MEI1: variants seen among roughly 807,000 people sequenced by gnomAD.
MEI1 encodes the protein meiotic double-stranded break formation protein 1.
Under a neutral mutation model 146.2 loss-of-function variants are expected in MEI1, and 103 were observed. That is an observed-to-expected ratio of 0.70 (90% CI 0.60 to 0.83). The LOEUF is 0.83. MEI1 is among the 40% of genes least tolerant of loss of function. The pLI, the probability that MEI1 is intolerant of heterozygous loss-of-function variation, is 0.00. For missense variants in MEI1, 1,529 were observed against 1,533.0 expected, an observed-to-expected ratio of 1.00 and a Z score of 0.04; for synonymous variants, 652 against 628.2, an observed-to-expected ratio of 1.04 and a Z score of -0.57.
chr22:41,794,042 A>C, intron 27 of MEI1, 132 bp downstream of exon 27: 1 of 885,508 alleles, frequency 1.1e-6, no homozygotes, highest in Admixed American at 2.2e-5. Context: ...TTTTAGCAGC[A>C]CTGCAAGGGC....
intron 7 of MEI1, among the ~76,000 whole-genome samples, chr22:41,725,958 A>C (rs2071309569): frequency 6.6e-6 from 1 of 152,168 alleles, no homozygotes; most frequent in South Asian, 2.1e-4. Flanking sequence ...TTCTGCAGCA[A>C]GGAAGAGGAG....
chr22:41,775,192 A>G (rs576214433), intron 20 of MEI1, among the ~76,000 whole-genome samples: 2 of 152,320 alleles, frequency 1.3e-5, no homozygotes, highest in South Asian at 4.1e-4. Flanking sequence ...AAGCAAAATA[A>G]AAAGCATCTT....
chr22:41,792,107 A>G (rs148161765), intron 26 of MEI1, among the ~76,000 whole-genome samples: 189 of 152,350 alleles, frequency 1.2e-3, no homozygotes, highest in African/African-American at 4.3e-3. Flanking sequence ...ACTGAATTAT[A>G]TCCTTTAAAG....
Position 41,745,969 on chromosome 22 carries a change from G to A in MEI1, c.1623G>A (p.Glu541=). The A allele has an allele frequency of 6.2e-7, 1 of 1,613,320 alleles. No individual in the cohort carries two copies. Among genetic ancestry groups the A allele is most frequent in the Admixed American group, 1.7e-5 (1 of 59,918 alleles). Residue 541 remains glutamate, a synonymous_variant, in exon 14 of 31, where the codon GAG becomes GAA. Transcript: ENST00000401548. ...GCGCCAAGAAGGAAGACACCTTGGAGGCCTTCTCAGAATTTCTTCTCAGTG... is the reference window on the plus strand; with the variant it reads ...GCGCCAAGAAGGAAGACACCTTGGAAGCCTTCTCAGAATTTCTTCTCAGTG... ...APSAKKEDTL[E]AFSEFLLSAC...
At chr22:41,701,677 G>A (rs1462965528) in intron 1 of MEI1, among the ~76,000 whole-genome samples, 1 of 152,096 alleles carries the variant, frequency 6.6e-6, no homozygotes. Flanking sequence ...CAGTGCAGCG[G>A]GGAGAAATAA....
intron 24 of MEI1, among the ~76,000 whole-genome samples, chr22:41,784,001 T>C (rs1238464932): frequency 6.6e-6 from 1 of 152,204 alleles, no homozygotes; most frequent in Non-Finnish European, 1.5e-5. Context: ...AGGATTTTGA[T>C]TTGGCCTGTC....
intron 4 of MEI1, among the ~76,000 whole-genome samples, chr22:41,714,396 A>C (rs530082195): frequency 6.6e-6 from 1 of 152,290 alleles, no homozygotes; most frequent in South Asian, 2.1e-4. Context: ...TGAAGTTGTC[A>C]AGGAAATATG....
chr22:41,754,733 A>G (rs1337007147), intron 17 of MEI1, among the ~76,000 whole-genome samples: 1 of 152,150 alleles, frequency 6.6e-6, no homozygotes, highest in Non-Finnish European at 1.5e-5. Context: ...CCCAGCCAAG[A>G]GGTGTTTCTT....
intron 11 of MEI1, among the ~76,000 whole-genome samples, chr22:41,740,220 AT>A (rs2072744179): frequency 6.6e-6 from 1 of 152,004 alleles, no homozygotes. Context: ...CGTTTTCACC[AT>A]ATTGGCCAGG....
intron 3 of MEI1, among the ~76,000 whole-genome samples, chr22:41,710,225 G>A (rs2069431242): frequency 6.6e-6 from 1 of 152,118 alleles, no homozygotes; most frequent in Admixed American, 6.6e-5. Flanking sequence ...TGCAAGCCAG[G>A]AAGAGAGGCC....
chr22:41,727,556 G>A (rs1173014909), intron 7 of MEI1, among the ~76,000 whole-genome samples: 1 of 152,116 alleles, frequency 6.6e-6, no homozygotes, highest in Non-Finnish European at 1.5e-5. Context: ...CCTTAGCTTT[G>A]CCACTTATCA....
At chr22:41,721,627 AAG>A (rs1404513435) in intron 6 of MEI1, among the ~76,000 whole-genome samples, 3 of 151,476 alleles carry the variant, frequency 2.0e-5, no homozygotes, top group Non-Finnish European at 2.9e-5. Flanking sequence ...TGCTGGGCTC[AAG>A]AGATCCACGT....
At chr22:41,744,219 G>C (rs1457391609) in intron 12 of MEI1, among the ~76,000 whole-genome samples, 1 of 151,796 alleles carries the variant, frequency 6.6e-6, no homozygotes, top group Non-Finnish European at 1.5e-5. Flanking sequence ...TGCCCAGGCT[G>C]GAGTGCAGTG....
At chr22:41,704,557 G>A (rs925311885) in intron 2 of MEI1, among the ~76,000 whole-genome samples, 1 of 151,984 alleles carries the variant, frequency 6.6e-6, no homozygotes, top group African/African-American at 2.4e-5. Flanking sequence ...GGGATTACAG[G>A]CATGTGCCAC....
At chr22:41,794,258 A>T in intron 27 of MEI1, 113 bp from the exon 28 acceptor site, 1 of 879,972 alleles carries the variant, frequency 1.1e-6, no homozygotes, top group Non-Finnish European at 1.9e-6. Flanking sequence ...CAGCTTGTTC[A>T]GTGCCCTGTC....
intron 25 of MEI1, 38 bp downstream of exon 25, chr22:41,784,458 T>G: frequency 1.9e-6 from 3 of 1,607,408 alleles, no homozygotes; most frequent in Non-Finnish European, 1.7e-6. Flanking sequence ...GAAAAGCTTT[T>G]TCCCTAGGTT....
intron 11 of MEI1, among the ~76,000 whole-genome samples, chr22:41,735,115 C>T (rs996365308): frequency 6.6e-6 from 1 of 151,788 alleles, no homozygotes; most frequent in African/African-American, 2.4e-5. Context: ...GCGCGCGCCA[C>T]CACACCTGGC....
chr22:41,728,831 A>T (rs929714749), intron 7 of MEI1, among the ~76,000 whole-genome samples: 2 of 150,952 alleles, frequency 1.3e-5, no homozygotes, highest in Non-Finnish European at 2.9e-5. Flanking sequence ...GCTGCACTAC[A>T]GCCTGGGTGA....
chr22:41,700,064 T>A (rs1034208287), intron 1 of MEI1, among the ~76,000 whole-genome samples: 9 of 152,354 alleles, frequency 5.9e-5, no homozygotes, highest in Admixed American at 2.6e-4. Context: ...TCCCGGGGAT[T>A]CGGCCTTAGC....
Sources: allele counts gnomAD v4.1 joint callset (sites outside exome capture counted in the v4.1 genomes callset), GRCh38; gene constraint gnomAD v4.1.1; transcripts MANE v1.5; gene names NCBI Gene and HGNC (gene_info 2026-07-23, HGNC 2026-07-21).